The following ANKRD28 variants were observed in gnomAD, a reference collection of about 807,000 sequenced individuals.
ANKRD28 encodes serine/threonine-protein phosphatase 6 regulatory ankyrin repeat subunit A.
In ANKRD28, 44 loss-of-function variants were observed where a neutral mutation model predicts 126.5. The observed-to-expected ratio is 0.35, with a 90% CI of 0.27 to 0.45. The LOEUF is 0.45. Among genes scored for constraint, ANKRD28 ranks in the 20% least tolerant of loss-of-function variants. ANKRD28 has a pLI of 1.00. For missense variants in ANKRD28, 1,110 were observed against 1,316.6 expected, an observed-to-expected ratio of 0.84 and a Z score of 2.43; for synonymous variants, 442 against 468.5, an observed-to-expected ratio of 0.94 and a Z score of 0.73.
chr3:15,835,514 C>A (rs1428906295), intron 1 of ANKRD28, among the ~76,000 whole-genome samples: 1 of 152,226 alleles, frequency 6.6e-6, no homozygotes, highest in African/African-American at 2.4e-5. Context: ...TCTAAACAAA[C>A]ATTTAGAACT....
At chr3:15,725,471 A>G (rs1267704117) in intron 6 of ANKRD28, among the ~76,000 whole-genome samples, 1 of 152,222 alleles carries the variant, frequency 6.6e-6, no homozygotes, top group Non-Finnish European at 1.5e-5. Context: ...ATGCTGGCAT[A>G]CCATATTGTA....
intron 14 of ANKRD28, among the ~76,000 whole-genome samples, chr3:15,700,466 AAAAAATTAATT>A (rs2070401250): frequency 6.6e-6 from 1 of 151,900 alleles, no homozygotes; most frequent in Non-Finnish European, 1.5e-5. Context: ...GACAAAAAAA[AAAAAATTAATT>A]AAAAAACACT....
At chr3:15,695,294 C>A in intron 15 of ANKRD28, 80 bp from the exon 16 acceptor site, 2 of 1,067,292 alleles carry the variant, frequency 1.9e-6, no homozygotes, top group Non-Finnish European at 2.8e-6. Context: ...TAGAGCTTTG[C>A]TAACTTTTAC....
rs531142650 is a variant in ANKRD28, at chr3:15,831,376, C to T, written c.27+28001G>A. The stretch of plus-strand genomic sequence containing the variant: ...CTGCCAAACTCCACATAACTACCAG[C>T]CCCTTCTCCAAGCAGCTTGTTTTAG... On this transcript the variant is annotated intron_variant, in intron 1 of 27. Coordinates refer to the ANKRD28 transcript ENST00000399451. Among the ~76,000 whole-genome samples the T allele has an allele frequency of 3.9e-5, 6 of 152,294 alleles. No homozygotes were observed. The South Asian group carries it at 1.2e-3, about 32-fold the overall frequency.
chr3:15,696,397 T>C (rs959010773), intron 14 of ANKRD28, among the ~76,000 whole-genome samples, 152 bp from the exon 15 acceptor site: 7 of 152,146 alleles, frequency 4.6e-5, no homozygotes, highest in African/African-American at 1.7e-4. Flanking sequence ...GTCATTTAAA[T>C]GACACTGACT....
intron 14 of ANKRD28, among the ~76,000 whole-genome samples, chr3:15,698,901 A>T (rs1427051545): frequency 6.6e-6 from 1 of 152,222 alleles, no homozygotes; most frequent in African/African-American, 2.4e-5. Flanking sequence ...TTTAAAGTTC[A>T]TATGGAACCA....
chr3:15,736,122 G>A (rs1188077803), intron 5 of ANKRD28, among the ~76,000 whole-genome samples: 1 of 152,168 alleles, frequency 6.6e-6, no homozygotes, highest in Non-Finnish European at 1.5e-5. Flanking sequence ...TCCACTTTCT[G>A]CATTCAATTA....
At position 15,776,762 on chromosome 3, in the gene ANKRD28, C is replaced by T. The variant is rs180956170; in HGVS notation, c.202-10450G>A. Among the ~76,000 whole-genome samples, 25 of 152,038 alleles carry T rather than the reference C, an allele frequency of 1.6e-4. 1 individual carries two copies. The East Asian group carries it at 4.8e-3, about 29-fold the overall frequency. On this transcript the variant is annotated intron_variant, in intron 2 of 27. Coordinates refer to ENST00000683139, the MANE Select transcript of ANKRD28 (RefSeq NM_001349278.2). ...GTTTTACATAAGTTTATTATATTTC[C>T]TAATTTTAAAAAAGTTAAAAGGAGG...
intron 16 of ANKRD28, among the ~76,000 whole-genome samples, 165 bp downstream of exon 16, chr3:15,695,023 C>A (rs912931022): frequency 6.6e-6 from 1 of 152,088 alleles, no homozygotes; most frequent in African/African-American, 2.4e-5. Context: ...TTAATTGCCA[C>A]CAAGTAAACA....
intron 3 of ANKRD28, among the ~76,000 whole-genome samples, chr3:15,762,210 A>C (rs1167952475): frequency 4.3e-4 from 12 of 28,046 alleles, no homozygotes; most frequent in African/African-American, 8.2e-4. Flanking sequence ...AAAAAAAAAA[A>C]AAACAAAACA....
At chr3:15,786,027 TG>T (rs71632857) in intron 2 of ANKRD28, among the ~76,000 whole-genome samples, 3 of 152,042 alleles carry the variant, frequency 2.0e-5, no homozygotes, top group African/African-American at 2.4e-5. Flanking sequence ...TACCAGGGAC[TG>T]GGGGGAAGAA....
chr3:15,835,976 G>T (rs2061318327), intron 1 of ANKRD28, among the ~76,000 whole-genome samples: 1 of 151,962 alleles, frequency 6.6e-6, no homozygotes, highest in Non-Finnish European at 1.5e-5. Context: ...CTCTTAAGAG[G>T]TAACTGCATA....
At chr3:15,673,790 T>C (rs537496633) in intron 27 of ANKRD28, among the ~76,000 whole-genome samples, 2 of 152,014 alleles carry the variant, frequency 1.3e-5, no homozygotes, top group Non-Finnish European at 2.9e-5. Context: ...AACCCTGCTA[T>C]GGAGGGGCTG....
At chr3:15,733,100 G>A (rs577317285) in intron 6 of ANKRD28, 7 of 152,450 alleles carry the variant, frequency 4.6e-5, no homozygotes, top group Non-Finnish European at 1.0e-4. Context: ...CTGGGAGGTG[G>A]ACTTGAGTGA....
intron 17 of ANKRD28, among the ~76,000 whole-genome samples, chr3:15,694,214 G>GA (rs34118789): frequency 0.47 from 71,324 of 151,722 alleles, 19,681 homozygotes; most frequent in Middle Eastern, 0.6. Flanking sequence ...GATTGACACT[G>GA]AAAAAAAATT....
At chr3:15,689,560 T>C (rs1258287548) in intron 18 of ANKRD28, among the ~76,000 whole-genome samples, 1 of 152,212 alleles carries the variant, frequency 6.6e-6, no homozygotes, top group East Asian at 1.9e-4. Flanking sequence ...AGGAGCTTCT[T>C]TTCATGAGAG....
intron 8 of ANKRD28, among the ~76,000 whole-genome samples, chr3:15,718,207 T>C (rs560478901): frequency 1.3e-5 from 2 of 152,264 alleles, no homozygotes; most frequent in African/African-American, 4.8e-5. Flanking sequence ...ACATGGGAAA[T>C]GTGTTTCAAC....
intron 6 of ANKRD28, among the ~76,000 whole-genome samples, chr3:15,735,122 T>C (rs1333355467): frequency 6.6e-6 from 1 of 152,200 alleles, no homozygotes; most frequent in Admixed American, 6.5e-5. Flanking sequence ...GGTATAAGAA[T>C]GGGCTTTAGT....
chr3:15,710,722 C>T (rs2072153825), intron 12 of ANKRD28, among the ~76,000 whole-genome samples: 1 of 152,114 alleles, frequency 6.6e-6, no homozygotes, highest in African/African-American at 2.4e-5. Context: ...AACCAACTGC[C>T]TAATTTTTCC....
Sources: allele counts gnomAD v4.1 joint callset (sites outside exome capture counted in the v4.1 genomes callset), GRCh38; gene constraint gnomAD v4.1.1; transcripts MANE v1.5; gene names NCBI Gene and HGNC (gene_info 2026-07-23, HGNC 2026-07-21).